SEMA3A: variants seen among roughly 807,000 people sequenced by gnomAD.
SEMA3A encodes semaphorin-3A.
SEMA3A carries 29 observed loss-of-function variants against 97.9 expected under a neutral mutation model. The observed-to-expected ratio is 0.30, with a 90% CI of 0.22 to 0.40. The LOEUF (loss-of-function observed/expected upper bound fraction) is 0.40, where lower values mean the gene tolerates loss of function less well. Among genes scored for constraint, SEMA3A ranks in the 10% least tolerant of loss-of-function variants. SEMA3A has a pLI of 1.00. For missense variants in SEMA3A, 763 were observed against 951.3 expected, an observed-to-expected ratio of 0.80 and a Z score of 2.60; for synonymous variants, 321 against 323.7, an observed-to-expected ratio of 0.99 and a Z score of 0.09.
intron 3 of SEMA3A, among the ~76,000 whole-genome samples, chr7:84,295,245 G>T (rs534021165): frequency 1.8e-4 from 28 of 152,078 alleles, no homozygotes; most frequent in African/African-American, 6.0e-4. Flanking sequence ...GTTCAAAATA[G>T]ACATTAATCA....
chr7:83,963,387 G>T (rs1175296293), intron 15 of SEMA3A, 40 bp from the exon 16 acceptor site: 5 of 1,578,326 alleles, frequency 3.2e-6, no homozygotes, highest in Non-Finnish European at 4.3e-6. Flanking sequence ...AAATATTAGA[G>T]AAGTAATTTC....
chr7:84,466,433 A>C (rs139254301), intron 1 of SEMA3A, among the ~76,000 whole-genome samples: 2 of 152,216 alleles, frequency 1.3e-5, no homozygotes, highest in Non-Finnish European at 2.9e-5. Context: ...TCAGCCTCCC[A>C]AAGTGCTGGG....
chr7:84,193,799 T>C (rs896176892), intron 1 of SEMA3A, among the ~76,000 whole-genome samples: 1 of 152,150 alleles, frequency 6.6e-6, no homozygotes, highest in Admixed American at 6.5e-5. Flanking sequence ...CAACTACCTA[T>C]GCAAGCAGAC....
chr7:84,063,575 G>A (rs1793346495), intron 4 of SEMA3A, among the ~76,000 whole-genome samples: 1 of 150,660 alleles, frequency 6.6e-6, no homozygotes, highest in African/African-American at 2.4e-5. Flanking sequence ...AGTGCTTAAA[G>A]GAGCTGATGG....
At chr7:84,079,509 A>G (rs1410930486) in intron 4 of SEMA3A, among the ~76,000 whole-genome samples, 1 of 152,012 alleles carries the variant, frequency 6.6e-6, no homozygotes, top group Non-Finnish European at 1.5e-5. Flanking sequence ...TTTACAAGAA[A>G]AAAACAAACA....
intron 12 of SEMA3A, among the ~76,000 whole-genome samples, chr7:83,988,459 G>A (rs1562956606): frequency 1.3e-5 from 2 of 151,890 alleles, no homozygotes; most frequent in Non-Finnish European, 2.9e-5. Flanking sequence ...TCGATCTCCC[G>A]ACCTCGTGAT....
chr7:84,385,432 A>G (rs148849414), intron 1 of SEMA3A, among the ~76,000 whole-genome samples: 1 of 152,282 alleles, frequency 6.6e-6, no homozygotes, highest in Admixed American at 6.5e-5. Context: ...CTGCTCATGG[A>G]AACTTTTAAA....
At chr7:84,072,939 AAAGCT>A (rs1174984934) in intron 4 of SEMA3A, among the ~76,000 whole-genome samples, 2 of 152,196 alleles carry the variant, frequency 1.3e-5, no homozygotes, top group Non-Finnish European at 2.9e-5. Context: ...ATCAAATCAC[AAAGCT>A]AATAATGGAG....
intron 1 of SEMA3A, among the ~76,000 whole-genome samples, chr7:84,137,064 G>A (rs940394665): frequency 3.9e-5 from 6 of 152,098 alleles, no homozygotes; most frequent in Admixed American, 6.6e-5. Context: ...TTAGTCTCCA[G>A]AGAGGAGGGA....
chr7:84,097,217 G>A (rs968982465), intron 4 of SEMA3A, among the ~76,000 whole-genome samples: 2 of 152,216 alleles, frequency 1.3e-5, no homozygotes, highest in East Asian at 3.9e-4. Flanking sequence ...AAAGGATCTT[G>A]AACCCTGGCA....
intron 1 of SEMA3A, among the ~76,000 whole-genome samples, chr7:84,192,134 T>G (rs1042691815): frequency 2.6e-5 from 4 of 151,922 alleles, no homozygotes; most frequent in Admixed American, 2.6e-4. Context: ...TAACTCTTCA[T>G]GAATCATGCT....
chr7:84,110,437 G>A, intron 4 of SEMA3A, 33 bp downstream of exon 4: 2 of 1,611,316 alleles, frequency 1.2e-6, no homozygotes, highest in East Asian at 2.2e-5. Flanking sequence ...AAGGGGTCAT[G>A]GACAAATATA....
At chr7:84,103,302 G>C (rs747833277) in intron 4 of SEMA3A, among the ~76,000 whole-genome samples, 4 of 151,944 alleles carry the variant, frequency 2.6e-5, no homozygotes, top group Non-Finnish European at 5.9e-5. Flanking sequence ...TATCGAGTCA[G>C]GCTTTGTTTC....
rs953194179 is a variant in SEMA3A, at chr7:84,067,331, C to A, written c.454-6773G>T. ...AACCATAAAAACCCTAGAAGAAAAC[C>A]TAGGCATTACCATTCAGGACATAAG... On this transcript the variant is annotated intron_variant, in intron 4 of 16. Transcript: ENST00000265362. 4.3e-3 allele frequency among the ~76,000 whole-genome samples: 659 copies of A among 152,166 alleles called. 4 individuals carry two copies. Among genetic ancestry groups the A allele is most frequent in the African/African-American group, 0.015 (627 of 41,494 alleles).
chr7:84,391,192 A>G (rs1206823126), intron 1 of SEMA3A, among the ~76,000 whole-genome samples: 4 of 152,198 alleles, frequency 2.6e-5, no homozygotes, highest in African/African-American at 9.6e-5. Flanking sequence ...TCTAGCAAAG[A>G]CTCAATTATA....
chr7:84,121,166 A>G (rs1473377349), intron 3 of SEMA3A, among the ~76,000 whole-genome samples: 1 of 152,164 alleles, frequency 6.6e-6, no homozygotes, highest in Non-Finnish European at 1.5e-5. Context: ...AGAGAAAAAC[A>G]CTATCGTAAC....
chr7:84,396,292 A>C (rs1803729821), intron 1 of SEMA3A, among the ~76,000 whole-genome samples: 1 of 151,410 alleles, frequency 6.6e-6, no homozygotes, highest in Non-Finnish European at 1.5e-5. Flanking sequence ...AATCAGCAAC[A>C]GGGTCAATAC....
intron 4 of SEMA3A, among the ~76,000 whole-genome samples, chr7:84,100,438 C>A (rs1263426677): frequency 6.6e-6 from 1 of 152,108 alleles, no homozygotes; most frequent in Non-Finnish European, 1.5e-5. Flanking sequence ...AAAAACCTTA[C>A]TTTTCTCATT....
intron 1 of SEMA3A, among the ~76,000 whole-genome samples, chr7:84,489,609 G>T (rs769414220): frequency 3.0e-4 from 45 of 152,258 alleles, no homozygotes; most frequent in Admixed American, 1.5e-3. Flanking sequence ...ATAATGGGAA[G>T]ATGTAGCTGT....
Sources: allele counts gnomAD v4.1 joint callset (sites outside exome capture counted in the v4.1 genomes callset), GRCh38; gene constraint gnomAD v4.1.1; transcripts MANE v1.5; gene names NCBI Gene and HGNC (gene_info 2026-07-23, HGNC 2026-07-21).